FHIT: variants seen among roughly 807,000 people sequenced by gnomAD.
The protein encoded by FHIT is bis(5'-adenosyl)-triphosphatase.
FHIT carries 19 observed loss-of-function variants against 17.9 expected under a neutral mutation model. The ratio of observed to expected loss-of-function variants is 1.06; its 90% CI spans 0.74 to 1.56. The LOEUF (loss-of-function observed/expected upper bound fraction) is 1.56. FHIT is among the 40% of genes most tolerant of loss of function. The probability of loss-of-function intolerance (pLI) is 0.00; values close to 1 mark genes in which losing one functional copy is unlikely to be tolerated. For synonymous variants in FHIT, 81 were observed against 69.7 expected (o/e 1.16, Z -0.81); for missense variants, 248 against 189.2 (o/e 1.31, Z -1.82).
intron 8 of FHIT, among the ~76,000 whole-genome samples, chr3:59,903,281 G>A (rs1387021581): frequency 1.3e-5 from 2 of 152,190 alleles, no homozygotes; most frequent in Non-Finnish European, 2.9e-5. Flanking sequence ...GGTTATGGAA[G>A]GGGAGGAATG....
chr3:60,768,726 C>T (rs1430069589), intron 4 of FHIT, among the ~76,000 whole-genome samples: 2 of 152,196 alleles, frequency 1.3e-5, no homozygotes, highest in Non-Finnish European at 1.5e-5. Context: ...CTGTGAGGGG[C>T]CCTGGCAAGG....
intron 5 of FHIT, among the ~76,000 whole-genome samples, chr3:60,532,556 C>T (rs1199234888): frequency 6.6e-6 from 1 of 152,118 alleles, no homozygotes; most frequent in Admixed American, 6.6e-5. Context: ...ATTCTGTCAC[C>T]AAGAAACTCT....
intron 7 of FHIT, among the ~76,000 whole-genome samples, chr3:59,956,063 T>C (rs950712643): frequency 3.3e-5 from 5 of 152,234 alleles, no homozygotes; most frequent in Admixed American, 3.3e-4. Flanking sequence ...CACAGCTCTC[T>C]TCTTCTATCA....
At chr3:60,919,982 C>T (rs1404410043) in intron 3 of FHIT, among the ~76,000 whole-genome samples, 3 of 150,766 alleles carry the variant, frequency 2.0e-5, no homozygotes, top group Admixed American at 6.6e-5. Context: ...TGCAGTGAGC[C>T]GAGATTGCAC....
chr3:60,806,121 A>C (rs1176985916), intron 4 of FHIT, among the ~76,000 whole-genome samples: 2 of 152,226 alleles, frequency 1.3e-5, no homozygotes, highest in Non-Finnish European at 1.5e-5. Context: ...AATGGAAACA[A>C]ATGTGGCACT....
chr3:60,812,548 T>C (rs1701601170), intron 4 of FHIT, among the ~76,000 whole-genome samples: 1 of 152,126 alleles, frequency 6.6e-6, no homozygotes, highest in Non-Finnish European at 1.5e-5. Flanking sequence ...TGGGCCAAAA[T>C]CATGGTCTAC....
intron 4 of FHIT, among the ~76,000 whole-genome samples, chr3:60,567,919 C>T (rs1487272178): frequency 6.6e-6 from 1 of 152,178 alleles, no homozygotes; most frequent in Non-Finnish European, 1.5e-5. Flanking sequence ...TACCATCTCT[C>T]ACCAGTTAGA....
intron 5 of FHIT, among the ~76,000 whole-genome samples, chr3:60,346,352 T>A (rs1203447613): frequency 6.6e-6 from 1 of 152,190 alleles, no homozygotes. Context: ...TATAAAACCA[T>A]TCAATTATAA....
intron 7 of FHIT, among the ~76,000 whole-genome samples, chr3:59,936,253 A>G (rs950528678): frequency 6.6e-6 from 1 of 152,074 alleles, no homozygotes; most frequent in Non-Finnish European, 1.5e-5. Context: ...TTGTTAGACA[A>G]AATATGAAGA....
intron 5 of FHIT, among the ~76,000 whole-genome samples, chr3:60,028,936 G>C (rs555479055): frequency 6.6e-6 from 1 of 152,288 alleles, no homozygotes; most frequent in South Asian, 2.1e-4. Context: ...CACTTTAGGA[G>C]GGATTATGAC....
intron 5 of FHIT, among the ~76,000 whole-genome samples, chr3:60,387,835 T>G (rs1376705488): frequency 6.6e-6 from 1 of 152,164 alleles, no homozygotes; most frequent in Non-Finnish European, 1.5e-5. Context: ...TGATCCCTAA[T>G]GTTGGAGTTA....
chr3:60,713,467 C>A (rs2041596186), intron 4 of FHIT, among the ~76,000 whole-genome samples: 1 of 149,280 alleles, frequency 6.7e-6, no homozygotes, highest in African/African-American at 2.5e-5. Flanking sequence ...AAAAACCCTT[C>A]AAAAAATTAA....
intron 5 of FHIT, among the ~76,000 whole-genome samples, chr3:60,108,509 T>A (rs746332366): frequency 2.0e-5 from 3 of 152,124 alleles, no homozygotes; most frequent in Non-Finnish European, 4.4e-5. Flanking sequence ...CTGTGTAAAC[T>A]CTTTTGGATG....
At chr3:61,200,556 A>G (rs2038981160) in intron 2 of FHIT, 61 bp downstream of exon 2, 1 of 152,664 alleles carries the variant, frequency 6.6e-6, no homozygotes, top group African/African-American at 2.4e-5. Context: ...ATCTCTGAAT[A>G]AAAGAAAAAT....
At chr3:60,442,505 C>A (rs945083811) in intron 5 of FHIT, among the ~76,000 whole-genome samples, 3 of 152,058 alleles carry the variant, frequency 2.0e-5, no homozygotes, top group Admixed American at 2.0e-4. Flanking sequence ...AGCCAGTTTT[C>A]CCAGCACCAT....
chr3:60,261,418 C>A (rs7647647), intron 5 of FHIT, among the ~76,000 whole-genome samples: 2,153 of 152,104 alleles, frequency 0.014, 47 homozygotes, highest in African/African-American at 0.049. Context: ...CATCAAAATA[C>A]ACTATAATTA....
Position 60,347,676 on chromosome 3 carries a change from G to GT in FHIT, c.103+189183_103+189184insA, listed in dbSNP as rs1553750544. ...CCTGTCTTCAGATCACCACTGGTTT[G>GT]GGGGGGGGGGGGGTTTGTTTTTTGT... On this transcript the variant is annotated intron_variant, in intron 5 of 9. Coordinates refer to ENST00000492590, the MANE Select transcript of FHIT (RefSeq NM_002012.4). 2.3e-3 allele frequency among the ~76,000 whole-genome samples: 40 copies of GT among 17,586 alleles called. 1 individual carries two copies. The highest frequency in any genetic ancestry group is 3.4e-3 in the Non-Finnish European group (34 of 9,900). The allele number at this position is 17,586 out of a possible 152,430, so 11.5% of individuals were successfully genotyped here. A position where few individuals can be genotyped will look rare whatever the true frequency, so the allele number is the denominator to read the frequency against.
chr3:60,306,434 A>G (rs1708679278), intron 5 of FHIT, among the ~76,000 whole-genome samples: 1 of 152,186 alleles, frequency 6.6e-6, no homozygotes, highest in Non-Finnish European at 1.5e-5. Flanking sequence ...AATCTCTGCA[A>G]AAATACTTAA....
chr3:60,341,639 T>C (rs532517367), intron 5 of FHIT, among the ~76,000 whole-genome samples: 8 of 152,334 alleles, frequency 5.3e-5, no homozygotes, highest in Admixed American at 2.6e-4. Context: ...GCTATATGCT[T>C]ATCTCTGAGA....
Sources: allele counts gnomAD v4.1 joint callset (sites outside exome capture counted in the v4.1 genomes callset), GRCh38; gene constraint gnomAD v4.1.1; transcripts MANE v1.5; gene names NCBI Gene and HGNC (gene_info 2026-07-23, HGNC 2026-07-21).